Variants in RAB11FIP4 observed in about 807,000 individuals in gnomAD.
The protein encoded by RAB11FIP4 is RAB11 family interacting protein 4.
Under a neutral mutation model 74.3 loss-of-function variants are expected in RAB11FIP4, and 23 were observed. The observed-to-expected ratio is 0.31, with a 90% CI of 0.22 to 0.44. The LOEUF (loss-of-function observed/expected upper bound fraction) is 0.44. RAB11FIP4 is among the 20% of genes least tolerant of loss of function. RAB11FIP4 has a pLI of 1.00. For missense variants in RAB11FIP4, 630 were observed against 863.9 expected (o/e 0.73, Z 3.39); for synonymous variants, 360 against 359.9 (o/e 1.00, Z 0.00).
At chr17:31,393,632 C>T (rs2070898848) in intron 1 of RAB11FIP4, among the ~76,000 whole-genome samples, 1 of 152,208 alleles carries the variant, frequency 6.6e-6, no homozygotes, top group African/African-American at 2.4e-5. Context: ...CACCGTTCTG[C>T]ACGGGGACTC....
At chr17:31,504,427 G>C (rs573114960) in intron 3 of RAB11FIP4, among the ~76,000 whole-genome samples, 26 of 152,098 alleles carry the variant, frequency 1.7e-4, no homozygotes, top group African/African-American at 5.8e-4. Context: ...CACCACGCCC[G>C]GCTAATTTTT....
chr17:31,522,427 G>A, intron 7 of RAB11FIP4, 32 bp downstream of exon 7: 2 of 1,608,288 alleles, frequency 1.2e-6, no homozygotes, highest in Non-Finnish European at 1.7e-6. Context: ...GGCAAATTGA[G>A]TGCTGTCCCC....
intron 3 of RAB11FIP4, chr17:31,448,538 T>C (rs1189762467): frequency 6.6e-6 from 1 of 152,016 alleles, no homozygotes; most frequent in East Asian, 1.9e-4. Flanking sequence ...AGCCCTGTTT[T>C]CTTGTAATAA....
rs183444358 is a variant in RAB11FIP4, at chr17:31,452,049, G to T, written c.336+17927G>T. On this transcript the variant is annotated intron_variant, in intron 3 of 14. Coordinates refer to ENST00000621161, the MANE Select transcript of RAB11FIP4 (RefSeq NM_032932.6). ...TGTTGGGAACATTACAATTCTTCTA[G>T]CTTTTTGAAAGATACAAGAAATTAT... Among the ~76,000 whole-genome samples the T allele has an allele frequency of 3.6e-3, 550 of 152,108 alleles. 4 individuals are homozygous for T. Among genetic ancestry groups the T allele is most frequent in the African/African-American group, 0.013 (521 of 41,474 alleles).
rs547768670 is a variant in RAB11FIP4 at position 31,480,292 on chromosome 17, T to A, written c.337-37359T>A. 2.8e-4 allele frequency among the ~76,000 whole-genome samples: 42 copies of A among 152,052 alleles called. No homozygotes were observed. In the South Asian group the frequency reaches 8.7e-3, roughly 32 times the overall value. On this transcript the variant is annotated intron_variant, in intron 3 of 14. Coordinates refer to ENST00000621161, the MANE Select transcript of RAB11FIP4 (RefSeq NM_032932.6). ...TTGGGGAGGAGGAGGAGCGAGAACA[T>A]TGTGTGCCAGGATGCCAGGCCTCGG...
At chr17:31,423,063 G>T (rs1908591364) in intron 1 of RAB11FIP4, among the ~76,000 whole-genome samples, 1 of 152,090 alleles carries the variant, frequency 6.6e-6, no homozygotes, top group Non-Finnish European at 1.5e-5. Context: ...GGGACTACAG[G>T]TGTCTGCCAC....
chr17:31,531,557 A>T, intron 14 of RAB11FIP4, 59 bp from the exon 15 acceptor site: 1 of 1,143,212 alleles, frequency 8.7e-7, no homozygotes. Context: ...GGGAGTCTGG[A>T]CTCTGCCTGC....
intron 3 of RAB11FIP4, among the ~76,000 whole-genome samples, chr17:31,504,951 T>C (rs2072289523): frequency 6.6e-6 from 1 of 152,240 alleles, no homozygotes. Flanking sequence ...CCTTTAGAAA[T>C]GCATCTTCCC....
rs2072996662 is a variant in RAB11FIP4 at position 31,538,027 on chromosome 17, G to A, written c.*6295G>A. 2 of 152,382 alleles carry A rather than the reference G, an allele frequency of 1.3e-5. No individual in the cohort carries two copies. The highest frequency in any genetic ancestry group is 1.3e-4 in the Admixed American group (2 of 15,288). The allele number at this position is 152,382 out of a possible 1,614,324, so 9.4% of individuals were successfully genotyped here. A position where few individuals can be genotyped will look rare whatever the true frequency, so the allele number is the denominator to read the frequency against. On this transcript the variant is annotated 3_prime_UTR_variant, in exon 15 of 15. Transcript: ENST00000621161. ...GAAACAGGCTTAGCTTTAGTGCTGG[G>A]GTGGGACCTGCCCTGTGGGCCCCAG...
intron 3 of RAB11FIP4, among the ~76,000 whole-genome samples, chr17:31,494,359 A>G (rs2072073003): frequency 6.6e-6 from 1 of 151,986 alleles, no homozygotes; most frequent in Non-Finnish European, 1.5e-5. Flanking sequence ...CCTCCCTCAC[A>G]GGGTTCGTGG....
intron 3 of RAB11FIP4, among the ~76,000 whole-genome samples, chr17:31,465,222 TC>T (rs1477014549): frequency 6.6e-6 from 1 of 152,068 alleles, no homozygotes; most frequent in Admixed American, 6.6e-5. Flanking sequence ...CTGAGGTCTT[TC>T]CCCTGTAGTC....
chr17:31,507,693 A>G (rs1191853524), intron 3 of RAB11FIP4, among the ~76,000 whole-genome samples: 2 of 152,034 alleles, frequency 1.3e-5, no homozygotes, highest in African/African-American at 4.8e-5. Context: ...GGGTCTCACC[A>G]TGTTGCCCAG....
At chr17:31,474,845 AAAAACAAAACAAAAC>A (rs71360776) in intron 3 of RAB11FIP4, among the ~76,000 whole-genome samples, 1 of 127,658 alleles carries the variant, frequency 7.8e-6, no homozygotes, top group Non-Finnish European at 1.7e-5. Flanking sequence ...CACTGTCTCA[AAAAACAAAACAAAAC>A]AAAACAAAAC....
At chr17:31,395,657 T>C (rs2070922284) in intron 1 of RAB11FIP4, among the ~76,000 whole-genome samples, 1 of 152,098 alleles carries the variant, frequency 6.6e-6, no homozygotes, top group Non-Finnish European at 1.5e-5. Flanking sequence ...GTCAAGGTCA[T>C]CCAAAACAAG....
At chr17:31,415,620 T>G (rs1346081240) in intron 1 of RAB11FIP4, among the ~76,000 whole-genome samples, 1 of 152,118 alleles carries the variant, frequency 6.6e-6, no homozygotes, top group Non-Finnish European at 1.5e-5. Context: ...CATTCAATAT[T>G]AATGTTATCC....
chr17:31,500,763 G>C lies in RAB11FIP4; in HGVS notation c.337-16888G>C, dbSNP rs367609661. The stretch of plus-strand genomic sequence containing the variant: ...GAAGTGGCTGGGCATGGTGGCTCAT[G>C]CCTGTAATCCCAGCACTTTGGGAGG... On this transcript the variant is annotated intron_variant, in intron 3 of 14. Transcript: ENST00000621161. Among the ~76,000 whole-genome samples the C allele has an allele frequency of 9.8e-5, 15 of 152,324 alleles. No homozygotes were observed. The East Asian group carries it at 2.1e-3, about 22-fold the overall frequency.
In RAB11FIP4 at chr17:31,531,674, A is replaced by G. The variant is rs2142836209; in HGVS notation, c.1856A>G (p.Asp619Gly). ...AACTTCCGGCTGAGGCAGTACATGG[A>G]CAAGATTATCCTCGCCATCCTGGAC... is the stretch of plus-strand genomic sequence containing the variant. ...EINFRLRQYM[D>G]KIILAILDHN... is the part of the protein sequence containing the mutation. Residue 619 changes from aspartate to glycine, a missense_variant, in exon 15 of 15, where the codon GAC becomes GGC. Asp to Gly is a moderately conservative substitution (Grantham distance 94). Transcript: ENST00000621161. 2 of 1,614,090 alleles carry G rather than the reference A, an allele frequency of 1.2e-6. No individual in the cohort carries two copies. Among genetic ancestry groups the G allele is most frequent in the East Asian group, 4.5e-5 (2 of 44,878 alleles).
At position 31,531,884 on chromosome 17, in the gene RAB11FIP4, C is replaced by G; in HGVS notation, c.*152C>G. 2 of 646,734 alleles carry G rather than the reference C, an allele frequency of 3.1e-6. No individual in the cohort carries two copies. The highest frequency in any genetic ancestry group is 2.8e-6 in the Non-Finnish European group (1 of 363,344). The allele number at this position is 646,734 out of a possible 1,614,324, so 40.1% of individuals were successfully genotyped here. A position where few individuals can be genotyped will look rare whatever the true frequency, so the allele number is the denominator to read the frequency against. ...GTGTACCCGTGTATATGTGGGGAGG[C>G]TGTGCACACGAGCGAGGGGTGAGTG... On this transcript the variant is annotated 3_prime_UTR_variant, in exon 15 of 15. Coordinates refer to ENST00000621161, the MANE Select transcript of RAB11FIP4 (RefSeq NM_032932.6).
rs1355745325 is a variant in RAB11FIP4 at position 31,505,471 on chromosome 17, A to AT, written c.337-12180_337-12179insT. Among the ~76,000 whole-genome samples the AT allele has an allele frequency of 3.0e-4, 22 of 74,054 alleles. 2 individuals are homozygous for AT. Among genetic ancestry groups the AT allele is most frequent in the African/African-American group, 9.4e-4 (21 of 22,308 alleles). 48.6% of individuals were successfully genotyped at this position (74,054 alleles called of 152,430 possible). A position where few individuals can be genotyped will look rare whatever the true frequency, so the allele number is the denominator to read the frequency against. On this transcript the variant is annotated intron_variant, in intron 3 of 14. Transcript: ENST00000621161. ...TATAATAATTATTATAACATATAAT[A>AT]ATAATTATAATATATAATATATAAT...
Sources: gnomAD v4.1 joint callset for allele counts (sites outside exome capture counted in the v4.1 genomes callset) on GRCh38, gnomAD v4.1.1 for gene constraint, MANE v1.5 for transcripts, NCBI Gene and HGNC (gene_info 2026-07-23, HGNC 2026-07-21) for gene names.